PNPLA7: variants seen among roughly 807,000 people sequenced by gnomAD.
PNPLA7 encodes patatin-like phospholipase domain-containing protein 7.
Under a neutral mutation model 161.7 loss-of-function variants are expected in PNPLA7, and 153 were observed. That is an observed-to-expected ratio of 0.95 (90% CI 0.83 to 1.08). PNPLA7 has a LOEUF of 1.08. Ranked by LOEUF, PNPLA7 falls within the 50% of genes least tolerant of loss-of-function variation. PNPLA7 has a pLI of 0.00. For missense variants in PNPLA7, 1,739 were observed against 1,856.6 expected (o/e 0.94, Z 1.16); for synonymous variants, 809 against 782.1 (o/e 1.03, Z -0.57).
chr9:137,493,735 T>C (rs2132234262), intron 19 of PNPLA7, among the ~76,000 whole-genome samples: 1 of 152,298 alleles, frequency 6.6e-6, no homozygotes, highest in South Asian at 2.1e-4. Flanking sequence ...GAGGCGCTCA[T>C]GAGAACGAGG....
At chr9:137,483,372 T>C (rs1832319270) in intron 21 of PNPLA7, among the ~76,000 whole-genome samples, 2 of 152,242 alleles carry the variant, frequency 1.3e-5, no homozygotes, top group African/African-American at 4.8e-5. Context: ...ATACTGGGAA[T>C]ATGTGTCATG....
intron 8 of PNPLA7, among the ~76,000 whole-genome samples, chr9:137,529,252 C>G (rs1216252788): frequency 6.6e-6 from 1 of 152,208 alleles, no homozygotes; most frequent in Non-Finnish European, 1.5e-5. Flanking sequence ...ACCTGAGCCT[C>G]CCACAGTGCT....
In PNPLA7 at chr9:137,543,575, A is replaced by G. The variant is rs1836331491; in HGVS notation, c.366-3T>C. 6.2e-7 allele frequency: 1 copy of G among 1,610,810 alleles called. No individual in the cohort carries two copies. The highest frequency in any genetic ancestry group is 8.5e-7 in the Non-Finnish European group (1 of 1,178,410). On this transcript the variant is annotated splice_polypyrimidine_tract_variant and splice_region_variant and intron_variant, in intron 5 of 34. Transcript: ENST00000406427. The surrounding 1 kb of genome is among the most constrained non-coding windows in gnomAD (Gnocchi z 6.9). ...ATTCCTTCTTGAAACGCAGAATCCT[A>G]CAAGGCAGAGACACACTAGCCTTGA...
At chr9:137,481,829 G>A (rs866002738) in intron 21 of PNPLA7, among the ~76,000 whole-genome samples, 1 of 152,182 alleles carries the variant, frequency 6.6e-6, no homozygotes, top group African/African-American at 2.4e-5. Context: ...CCAGCTACTT[G>A]GGAGGCTGAG....
At chr9:137,506,202 G>A (rs981638472) in intron 12 of PNPLA7, 119 bp from the exon 13 acceptor site, 32 of 759,116 alleles carry the variant, frequency 4.2e-5, no homozygotes, top group Non-Finnish European at 5.5e-5. Context: ...TCCCTCGAGG[G>A]AGTCGGGCCC....
intron 33 of PNPLA7, 148 bp downstream of exon 33, chr9:137,461,388 T>G: frequency 2.4e-6 from 2 of 818,794 alleles, no homozygotes; most frequent in Middle Eastern, 3.1e-4. Flanking sequence ...GACGGAGGAG[T>G]GCCACCAAGC....
chr9:137,486,023 C>T lies in PNPLA7; in HGVS notation c.2198-1287G>A, dbSNP rs1832464477. Reference sequence around the variant, plus strand: ...GCGCCACCAGCCACGCTCCTGCCCACGAGGGTCTCCTGCATCTAGGTGCCG... The same window carrying T: ...GCGCCACCAGCCACGCTCCTGCCCATGAGGGTCTCCTGCATCTAGGTGCCG... On this transcript the variant is annotated intron_variant, in intron 20 of 34. Transcript: ENST00000406427. This position sits in a 1 kb window ranked among gnomAD's most constrained non-coding sequence, Gnocchi z 6.0. 6.6e-6 allele frequency among the ~76,000 whole-genome samples: 1 copy of T among 151,842 alleles called. No homozygotes were observed. The highest frequency in any genetic ancestry group is 1.5e-5 in the Non-Finnish European group (1 of 67,960).
In PNPLA7 at chr9:137,498,492, C is replaced by T. The variant is rs549620317; in HGVS notation, c.1758-247G>A. ...CCAGAGAGCCCCCTCCTGGCAGGCCCGCGAGTGCCCCTTGGACACGGGCCC... is the reference window on the plus strand; with the variant it reads ...CCAGAGAGCCCCCTCCTGGCAGGCCTGCGAGTGCCCCTTGGACACGGGCCC... On this transcript the variant is annotated intron_variant, in intron 16 of 34. Coordinates refer to ENST00000406427, the MANE Select transcript of PNPLA7 (RefSeq NM_001098537.3). 3.9e-5 allele frequency among the ~76,000 whole-genome samples: 6 copies of T among 152,344 alleles called. No individual in the cohort carries two copies. The South Asian group carries it at 8.3e-4, about 21-fold the overall frequency.
At chr9:137,508,800 TA>T in intron 12 of PNPLA7, 1 of 152,212 alleles carries the variant, frequency 6.6e-6, no homozygotes, top group East Asian at 1.9e-4. Context: ...ACTACGATAG[TA>T]AAAAGTGAAT....
intron 8 of PNPLA7, among the ~76,000 whole-genome samples, chr9:137,536,887 T>C (rs1175080419): frequency 4.0e-5 from 4 of 100,228 alleles, no homozygotes; most frequent in Non-Finnish European, 7.8e-5. Flanking sequence ...GGGGCCATCC[T>C]CTGAGCCATA....
intron 18 of PNPLA7, 78 bp from the exon 19 acceptor site, chr9:137,495,224 G>A (rs2132246804): frequency 9.8e-7 from 1 of 1,021,718 alleles, no homozygotes; most frequent in Non-Finnish European, 1.4e-6. Flanking sequence ...ACAGCCTCCG[G>A]TGCCTGCCAG....
intron 25 of PNPLA7, among the ~76,000 whole-genome samples, chr9:137,469,982 G>C (rs1588541793): frequency 6.6e-6 from 1 of 152,178 alleles, no homozygotes; most frequent in East Asian, 1.9e-4. Context: ...GAACATATGA[G>C]TAGTACTGTA....
In PNPLA7 at chr9:137,521,160, T is replaced by C. The variant is rs532158437; in HGVS notation, c.957+476A>G. On this transcript the variant is annotated intron_variant, in intron 10 of 34. Transcript: ENST00000406427. Reference sequence around the variant, plus strand: ...GGGCATGGGGAGGGGCAGCCTCTCCTGGACAGGGCTGTCAGCTCAGTGTGC... The same window carrying C: ...GGGCATGGGGAGGGGCAGCCTCTCCCGGACAGGGCTGTCAGCTCAGTGTGC... Among the ~76,000 whole-genome samples the C allele has an allele frequency of 3.9e-5, 6 of 152,244 alleles. No homozygotes were observed. The East Asian group carries it at 5.8e-4, about 15-fold the overall frequency.
At chr9:137,503,938 GAAGGAAGAATGAA>G (rs1833731303) in intron 14 of PNPLA7, among the ~76,000 whole-genome samples, 1 of 130,226 alleles carries the variant, frequency 7.7e-6, no homozygotes, top group African/African-American at 2.9e-5. Context: ...GGAAGAAGAA[GAAGGAAGAATGAA>G]GAAGAAGGAA....
Position 137,521,681 on chromosome 9 carries a change from C to CAGAA in PNPLA7, c.908_911dup (p.Ala305SerfsTer17). 6.2e-7 allele frequency: 1 copy of CAGAA among 1,611,872 alleles called. No homozygotes were observed. Among genetic ancestry groups the CAGAA allele is most frequent in the Non-Finnish European group, 8.5e-7 (1 of 1,179,752 alleles). ...TCAGGCCGAGGTAGTTGTGCAGAGC[C>CAGAA]AGAAAGGTCACCCTCTGCAGCCGCA... On this transcript the variant is annotated frameshift_variant, in exon 10 of 35. Coordinates refer to ENST00000406427, the MANE Select transcript of PNPLA7 (RefSeq NM_001098537.3). LOFTEE classifies it high-confidence loss of function.
At chr9:137,480,784 G>T in intron 22 of PNPLA7, 176 bp downstream of exon 22, 1 of 825,446 alleles carries the variant, frequency 1.2e-6, no homozygotes, top group Non-Finnish European at 1.9e-6. Context: ...GTGCCCAGCA[G>T]GTCAGCGCTG....
chr9:137,544,153 C>T (rs1009505606), intron 4 of PNPLA7, among the ~76,000 whole-genome samples: 14 of 152,240 alleles, frequency 9.2e-5, no homozygotes, highest in African/African-American at 2.9e-4. Context: ...TTTGCTACAA[C>T]CCTTTAAAAA....
intron 18 of PNPLA7, 108 bp from the exon 19 acceptor site, chr9:137,495,254 T>C (rs376512648): frequency 2.7e-5 from 19 of 709,650 alleles, no homozygotes; most frequent in Admixed American, 2.7e-5. Flanking sequence ...TGACACCCCA[T>C]CCACACCGCA....
rs1255500007 is a variant in PNPLA7, at chr9:137,499,012, G to A, written c.1758-767C>T. On this transcript the variant is annotated intron_variant, in intron 16 of 34. Transcript: ENST00000406427. This position sits in a 1 kb window ranked among gnomAD's most constrained non-coding sequence, Gnocchi z 5.5. ...GGCAAGACAGTGGCTGGGTGAGGGC[G>A]TGAAGGGCGTGAGCGTGGCACTTAG... Among the ~76,000 whole-genome samples the A allele has an allele frequency of 6.6e-6, 1 of 152,152 alleles. No homozygotes were observed. The highest frequency in any genetic ancestry group is 1.5e-5 in the Non-Finnish European group (1 of 68,012).
Sources: allele counts gnomAD v4.1 joint callset (sites outside exome capture counted in the v4.1 genomes callset), GRCh38; gene constraint gnomAD v4.1.1; non-coding constraint Gnocchi (gnomAD v3.1); transcripts MANE v1.5; gene names NCBI Gene and HGNC (gene_info 2026-07-23, HGNC 2026-07-21).